The following CNN2 variants were observed in gnomAD, a reference collection of about 807,000 sequenced individuals.
The protein encoded by CNN2 is calponin 2, also known as calponin-2.
Under a neutral mutation model 31.0 loss-of-function variants are expected in CNN2, and 21 were observed. The ratio of observed to expected loss-of-function variants is 0.68; its 90% confidence interval spans 0.48 to 0.98. The LOEUF is 0.98. Ranked by LOEUF, CNN2 falls within the 50% of genes least tolerant of loss-of-function variation. CNN2 has a pLI of 0.00. For synonymous variants in CNN2, 165 were observed against 179.6 expected, an observed-to-expected ratio of 0.92 and a Z score of 0.65; for missense variants, 399 against 427.3, an observed-to-expected ratio of 0.93 and a Z score of 0.58.
At chr19:1,029,728 G>A (rs1416087614) in intron 1 of CNN2, among the ~76,000 whole-genome samples, 1 of 150,596 alleles carries the variant, frequency 6.6e-6, no homozygotes. Flanking sequence ...TTAAGACAGA[G>A]GCTCACTCTG....
chr19:1,037,039 G>T (rs2039601430), intron 6 of CNN2: 1 of 230,324 alleles, frequency 4.3e-6, no homozygotes, highest in African/African-American at 2.4e-5. Context: ...TGTATTTTTA[G>T]TAGACATGGG....
intron 6 of CNN2, 96 bp downstream of exon 6, chr19:1,036,658 A>T: frequency 6.8e-7 from 1 of 1,472,406 alleles, no homozygotes; most frequent in Non-Finnish European, 9.5e-7. Context: ...TTCTCTCCCC[A>T]CTCTCAGTCT....
At chr19:1,027,993 G>T (rs1568416634) in intron 1 of CNN2, among the ~76,000 whole-genome samples, 1 of 152,178 alleles carries the variant, frequency 6.6e-6, no homozygotes, top group Non-Finnish European at 1.5e-5. Flanking sequence ...AGGGTCCCCA[G>T]CCCGGGGCTC....
In CNN2 at chr19:1,038,021, G is replaced by C; in HGVS notation, c.*121G>C. 9.8e-7 allele frequency: 1 copy of C among 1,024,808 alleles called. No individual in the cohort carries two copies. The highest frequency in any genetic ancestry group is 1.4e-6 in the Non-Finnish European group (1 of 716,302). 63.5% of individuals were successfully genotyped at this position (1,024,808 alleles called of 1,614,324 possible). A position where few individuals can be genotyped will look rare whatever the true frequency, so the allele number is the denominator to read the frequency against. ...AGTGCTGCCAGTCAACCAAGGGTCTGTGAGTGTCAGCGTGGGATCAGGCAG... is the reference window on the plus strand; with the variant it reads ...AGTGCTGCCAGTCAACCAAGGGTCTCTGAGTGTCAGCGTGGGATCAGGCAG... On this transcript the variant is annotated 3_prime_UTR_variant, in exon 7 of 7. Transcript: ENST00000263097.
intron 1 of CNN2, among the ~76,000 whole-genome samples, chr19:1,030,583 A>G (rs773785283): frequency 9.2e-5 from 14 of 152,070 alleles, no homozygotes; most frequent in Admixed American, 1.3e-4. Flanking sequence ...CCGAGATCGC[A>G]CCACTGCACT....
rs1225317443 is a variant in CNN2, at chr19:1,030,504, C to T, written c.64-567C>T. 3.3e-5 allele frequency among the ~76,000 whole-genome samples: 5 copies of T among 152,170 alleles called. No individual in the cohort carries two copies. In the South Asian group the frequency reaches 6.2e-4, roughly 19 times the overall value. On this transcript the variant is annotated intron_variant, in intron 1 of 6. Transcript: ENST00000263097. ...AGCTGGGCCTGGTGGCGGGCGCCTGCAGTCCCAGCTACTCGGGAGGCTGAG... is the reference window on the plus strand; with the variant it reads ...AGCTGGGCCTGGTGGCGGGCGCCTGTAGTCCCAGCTACTCGGGAGGCTGAG...
chr19:1,037,591 A>G lies in CNN2; in HGVS notation c.655-34A>G, dbSNP rs1392279868. On this transcript the variant is annotated intron_variant, in intron 6 of 6. Transcript: ENST00000263097. ...CCAGTGAAGGTCCCCTCTTCTCTCC[A>G]CCATGACCTGCTCCACCCCTCCTTC... The G allele has an allele frequency of 2.5e-6, 4 of 1,597,214 alleles. No homozygotes were observed. The East Asian group carries it at 9.0e-5, about 36-fold the overall frequency.
At chr19:1,026,956 A>AT (rs956494420) in intron 1 of CNN2, 6 of 481,176 alleles carry the variant, frequency 1.2e-5, no homozygotes, top group Non-Finnish European at 2.2e-5. Context: ...CGAGTGACCC[A>AT]TTCCCCCCCC....
chr19:1,027,710 G>C (rs1365127571), intron 1 of CNN2, among the ~76,000 whole-genome samples: 1 of 152,142 alleles, frequency 6.6e-6, no homozygotes, highest in African/African-American at 2.4e-5. Context: ...CTTCCAGCTG[G>C]AGGGGGGTGT....
At chr19:1,035,446 C>T (rs1039008210) in intron 4 of CNN2, among the ~76,000 whole-genome samples, 7 of 152,054 alleles carry the variant, frequency 4.6e-5, no homozygotes, top group African/African-American at 1.7e-4. Context: ...CAGGGAGGAG[C>T]CGGGCGCAGA....
Position 1,037,981 on chromosome 19 carries a change from T to TG in CNN2, c.*81_*82insG. The TG allele has an allele frequency of 7.9e-7, 1 of 1,265,686 alleles. No homozygotes were observed. Among genetic ancestry groups the TG allele is most frequent in the South Asian group, 1.5e-5 (1 of 67,354 alleles). 78.4% of individuals were successfully genotyped at this position (1,265,686 alleles called of 1,614,324 possible). On this transcript the variant is annotated 3_prime_UTR_variant, in exon 7 of 7. Coordinates refer to ENST00000263097, the MANE Select transcript of CNN2 (RefSeq NM_004368.4). ...TCTGTGTTTTCATCTTTTTTTTTTTTTTCTTAACCCGTTCAGTGCTGCCAG... is the reference window on the plus strand; with the variant it reads ...TCTGTGTTTTCATCTTTTTTTTTTTTGTTCTTAACCCGTTCAGTGCTGCCAG...
chr19:1,027,779 G>C (rs987155669), intron 1 of CNN2, among the ~76,000 whole-genome samples: 1 of 150,036 alleles, frequency 6.7e-6, no homozygotes, highest in African/African-American at 2.4e-5. Flanking sequence ...TGTCCTTACA[G>C]CTGACTTCTG....
chr19:1,036,785 C>G (rs1004676456), intron 6 of CNN2: 4 of 626,766 alleles, frequency 6.4e-6, no homozygotes, highest in African/African-American at 1.8e-5. Flanking sequence ...CTACCTCACC[C>G]TGTGTCATTT....
Position 1,036,528 on chromosome 19 carries a change from G to T in CNN2, c.620G>T (p.Ser207Ile), listed in dbSNP as rs771768509. ...ILPPMDHSTI[S>I]LQMGTNKCAS... ...CCCCCCATGGACCACTCGACCATCA[G>T]CCTCCAGATGGGCACGAACAAGTGT... Residue 207 changes from serine (S) to isoleucine (I), a missense_variant, in exon 6 of 7, where the codon AGC (serine) becomes ATC (isoleucine). Coordinates refer to ENST00000263097, the MANE Select transcript of CNN2 (RefSeq NM_004368.4). 3 of 1,613,576 alleles carry T rather than the reference G, an allele frequency of 1.9e-6. No individual in the cohort carries two copies. Among genetic ancestry groups the T allele is most frequent in the Non-Finnish European group, 1.7e-6 (2 of 1,179,712 alleles).
chr19:1,031,316 CA>C, intron 2 of CNN2, 124 bp downstream of exon 2: 1 of 154,998 alleles, frequency 6.5e-6, no homozygotes, highest in South Asian at 1.8e-4. Flanking sequence ...GTAATCCCAG[CA>C]CTTTTGGAGG....
rs1047269988 is a variant in CNN2, at chr19:1,036,220, G to C, written c.481G>C (p.Ala161Pro). Residue 161 changes from alanine (A) to proline (P), a missense_variant, in exon 5 of 7, where the codon GCT becomes CCT. By Grantham distance (27) the Ala-to-Pro change is conservative (BLOSUM62 -1). Transcript: ENST00000263097. ...GAATTTCGACGATGCCACCATGAAGGCTGGCCAGTGCGTCATCGGGCTGCA... is the reference window on the plus strand; with the variant it reads ...GAATTTCGACGATGCCACCATGAAGCCTGGCCAGTGCGTCATCGGGCTGCA... ...ERNFDDATMK[A>P]GQCVIGLQMG... The C allele has an allele frequency of 6.2e-7, 1 of 1,601,956 alleles. No homozygotes were observed. Among genetic ancestry groups the C allele is most frequent in the Non-Finnish European group, 8.5e-7 (1 of 1,173,734 alleles).
In CNN2 at chr19:1,038,223, C is replaced by G. The variant is rs2020000; in HGVS notation, c.*323C>G. 0.85 allele frequency: 256,741 copies of G among 302,982 alleles called. 109,206 individuals are homozygous for G. Among genetic ancestry groups the G allele is most frequent in the Admixed American group, 0.88 (18,232 of 20,622 alleles). 18.8% of individuals were successfully genotyped at this position (302,982 alleles called of 1,614,324 possible). On this transcript the variant is annotated 3_prime_UTR_variant, in exon 7 of 7. Transcript: ENST00000263097. ...AGGAACCGGTCCCCGACGGTTTCTG[C>G]TTGCCTCGCCTCTTCCCCCTTTTGT...
At position 1,037,648 on chromosome 19, in the gene CNN2, C is replaced by T. The variant is rs773206574; in HGVS notation, c.678C>T (p.Thr226=). ...ASQVGMTAPG[T]RRHIYDTKLG... The stretch of plus-strand genomic sequence containing the variant: ...AGGTGGGCATGACGGCTCCCGGGAC[C>T]CGGCGGCACATCTATGATACCAAGC... The change falls in exon 7 of 7, where the codon ACC becomes ACT. Residue 226 remains threonine (T), a synonymous_variant. Coordinates refer to ENST00000263097, the MANE Select transcript of CNN2 (RefSeq NM_004368.4). 9 of 1,541,718 alleles carry T rather than the reference C, an allele frequency of 5.8e-6. No individual in the cohort carries two copies. In the African/African-American group the frequency reaches 1.3e-4, roughly 22 times the overall value.
chr19:1,031,078 C>G lies in CNN2; in HGVS notation c.71C>G (p.Ser24Cys), dbSNP rs1043358736. 1 of 1,612,530 alleles carries G rather than the reference C, an allele frequency of 6.2e-7. No individual in the cohort carries two copies. The highest frequency in any genetic ancestry group is 1.3e-5 in the African/African-American group (1 of 74,986). The change falls in exon 2 of 7, where the codon TCC becomes TGC. Residue 24 changes from serine to cysteine, a missense_variant. By Grantham distance (112) the Ser-to-Cys change is moderately radical (BLOSUM62 -1). Coordinates refer to ENST00000263097, the MANE Select transcript of CNN2 (RefSeq NM_004368.4). ...TGCCCTTTGCTCCACCAGCTCCTGT[C>G]CAAATATGACCCCCAGAAGGAGGCA... ...LSAEVKNRLL[S>C]KYDPQKEAEL...
Sources: gnomAD v4.1 joint callset for allele counts (sites outside exome capture counted in the v4.1 genomes callset) on GRCh38, gnomAD v4.1.1 for gene constraint, MANE v1.5 for transcripts, NCBI Gene and HGNC (gene_info 2026-07-23, HGNC 2026-07-21) for gene names.